B3GALT1: variants seen among roughly 807,000 people sequenced by gnomAD.
B3GALT1 encodes beta-1,3-galactosyltransferase 1.
In B3GALT1, 10 loss-of-function variants were observed where a neutral mutation model predicts 23.2. The ratio of observed to expected loss-of-function variants is 0.43; its 90% CI spans 0.27 to 0.73. B3GALT1 has a LOEUF of 0.73. B3GALT1 is among the 30% of genes least tolerant of loss of function. B3GALT1 has a pLI of 0.21. For synonymous variants in B3GALT1, 156 were observed against 141.5 expected, an observed-to-expected ratio of 1.10 and a Z score of -0.73; for missense variants, 299 against 405.4, an observed-to-expected ratio of 0.74 and a Z score of 2.25.
chr2:167,684,711 T>C (rs984121688), intron 3 of B3GALT1, among the ~76,000 whole-genome samples: 1 of 152,260 alleles, frequency 6.6e-6, no homozygotes, highest in African/African-American at 2.4e-5. Flanking sequence ...TTCCTCTTTA[T>C]TCTAAGCAGA....
At chr2:167,576,092 C>T (rs1684376464) in intron 2 of B3GALT1, among the ~76,000 whole-genome samples, 1 of 151,658 alleles carries the variant, frequency 6.6e-6, no homozygotes, top group African/African-American at 2.4e-5. Context: ...TTTGATGGAG[C>T]CCAGGACTCT....
At chr2:167,848,535 A>G (rs1689808702) in intron 4 of B3GALT1, among the ~76,000 whole-genome samples, 1 of 152,186 alleles carries the variant, frequency 6.6e-6, no homozygotes, top group Non-Finnish European at 1.5e-5. Context: ...ATTTGACAAA[A>G]TCCAGCATCT....
At position 167,873,801 on chromosome 2, in the gene B3GALT1, T is replaced by G. The variant is rs1024631329; in HGVS notation, c.*3781T>G. 1.3e-5 allele frequency: 2 copies of G among 152,236 alleles called. No homozygotes were observed. The highest frequency in any genetic ancestry group is 6.5e-5 in the Admixed American group (1 of 15,288). The allele number at this position is 152,236 out of a possible 1,614,324, so 9.4% of individuals were successfully genotyped here. A position where few individuals can be genotyped will look rare whatever the true frequency, so the allele number is the denominator to read the frequency against. ...CACTCTCCAGGTTTGTAGTACTATT[T>G]AGGGTTACATGGGTTGCCAATCAAG... On this transcript the variant is annotated 3_prime_UTR_variant, in exon 5 of 5. Transcript: ENST00000392690.
chr2:167,495,580 G>A (rs533706555), intron 2 of B3GALT1, among the ~76,000 whole-genome samples: 4 of 152,072 alleles, frequency 2.6e-5, no homozygotes, highest in Non-Finnish European at 4.4e-5. Flanking sequence ...TGATCTGCCC[G>A]CCTTGGCCTT....
intron 3 of B3GALT1, among the ~76,000 whole-genome samples, chr2:167,675,354 G>A (rs1438246703): frequency 6.6e-6 from 1 of 152,124 alleles, no homozygotes; most frequent in Non-Finnish European, 1.5e-5. Context: ...TGACACACCT[G>A]TATTCTCCTC....
chr2:167,852,561 TA>T (rs1218177354), intron 4 of B3GALT1, among the ~76,000 whole-genome samples: 1 of 152,052 alleles, frequency 6.6e-6, no homozygotes, highest in African/African-American at 2.4e-5. Context: ...ACTTTTATTT[TA>T]TCGGAAAATT....
intron 1 of B3GALT1, among the ~76,000 whole-genome samples, chr2:167,319,034 C>T (rs1574030812): frequency 6.6e-6 from 1 of 152,216 alleles, no homozygotes; most frequent in South Asian, 2.1e-4. Flanking sequence ...CCAGTGGAGC[C>T]TCAGCCAGGT....
intron 2 of B3GALT1, among the ~76,000 whole-genome samples, chr2:167,593,935 T>C (rs539674102): frequency 6.6e-6 from 1 of 152,330 alleles, no homozygotes; most frequent in South Asian, 2.1e-4. Flanking sequence ...TGAGAATGGA[T>C]AAACCACCCA....
chr2:167,633,830 C>G (rs1685502348), intron 2 of B3GALT1, among the ~76,000 whole-genome samples: 1 of 152,126 alleles, frequency 6.6e-6, no homozygotes, highest in Admixed American at 6.5e-5. Context: ...GAACTCAGCT[C>G]TGGACCAAGC....
intron 1 of B3GALT1, among the ~76,000 whole-genome samples, chr2:167,425,646 C>G (rs1698612001): frequency 6.6e-6 from 1 of 152,188 alleles, no homozygotes; most frequent in Admixed American, 6.5e-5. Context: ...TTGTTATGCT[C>G]CACAGTCTTT....
intron 2 of B3GALT1, among the ~76,000 whole-genome samples, chr2:167,557,048 A>T (rs766382953): frequency 6.6e-6 from 1 of 152,190 alleles, no homozygotes; most frequent in Non-Finnish European, 1.5e-5. Context: ...ATTTGGCTGC[A>T]TATTATAAAT....
At chr2:167,410,228 G>A (rs1195148264) in intron 1 of B3GALT1, among the ~76,000 whole-genome samples, 1 of 152,066 alleles carries the variant, frequency 6.6e-6, no homozygotes, top group Non-Finnish European at 1.5e-5. Context: ...TTGTGGCCGG[G>A]TGCGGTGGCT....
At chr2:167,667,987 G>A (rs1283736399) in intron 3 of B3GALT1, among the ~76,000 whole-genome samples, 2 of 152,172 alleles carry the variant, frequency 1.3e-5, no homozygotes, top group Non-Finnish European at 2.9e-5. Context: ...TCCATTGCTG[G>A]TGAGGAGCTG....
At position 167,843,395 on chromosome 2, in the gene B3GALT1, C is replaced by G. The variant is rs564650299; in HGVS notation, c.-230+24602C>G. Among the ~76,000 whole-genome samples, 3 of 152,214 alleles carry G rather than the reference C, an allele frequency of 2.0e-5. No individual in the cohort carries two copies. The East Asian group carries it at 5.8e-4, about 29-fold the overall frequency. On this transcript the variant is annotated intron_variant, in intron 4 of 4. Coordinates refer to ENST00000392690, the MANE Select transcript of B3GALT1 (RefSeq NM_020981.4). ...CATCATGCCACACTTGACCAGATGC[C>G]CAGAAGGACCTCTGTGGTGAATCCC... is the stretch of plus-strand genomic sequence containing the variant.
intron 2 of B3GALT1, among the ~76,000 whole-genome samples, chr2:167,560,053 G>A (rs1478167786): frequency 6.6e-6 from 1 of 152,150 alleles, no homozygotes; most frequent in African/African-American, 2.4e-5. Flanking sequence ...GGCAGCCAGA[G>A]AGAAAGGTCA....
intron 1 of B3GALT1, among the ~76,000 whole-genome samples, chr2:167,447,542 T>C (rs1014562708): frequency 2.0e-5 from 3 of 152,162 alleles, no homozygotes; most frequent in Admixed American, 2.0e-4. Flanking sequence ...TTTGTTTACC[T>C]ACTCAAGCCT....
chr2:167,775,953 G>A (rs1430904162), intron 3 of B3GALT1, among the ~76,000 whole-genome samples: 1 of 150,448 alleles, frequency 6.6e-6, no homozygotes, highest in African/African-American at 2.4e-5. Flanking sequence ...GTAACTAAAT[G>A]AAATACACCA....
chr2:167,667,371 G>A (rs1207539183), intron 3 of B3GALT1, among the ~76,000 whole-genome samples: 1 of 152,058 alleles, frequency 6.6e-6, no homozygotes, highest in Non-Finnish European at 1.5e-5. Flanking sequence ...TTTCTCTCTG[G>A]CTGCCCTTAA....
Position 167,828,500 on chromosome 2 carries a change from A to G in B3GALT1, c.-230+9707A>G, listed in dbSNP as rs113761579. On this transcript the variant is annotated intron_variant, in intron 4 of 4. Coordinates refer to ENST00000392690, the MANE Select transcript of B3GALT1 (RefSeq NM_020981.4). ...TGGTTTCTGATATTTTTTCCTGCAT[A>G]AGAGATGAGTTTCTCATGGCTCCTA... Among the ~76,000 whole-genome samples the G allele has an allele frequency of 4.9e-3, 739 of 152,280 alleles. 3 individuals carry two copies. Among genetic ancestry groups the G allele is most frequent in the African/African-American group, 0.017 (711 of 41,548 alleles).
Sources: allele counts gnomAD v4.1 joint callset (sites outside exome capture counted in the v4.1 genomes callset), GRCh38; gene constraint gnomAD v4.1.1; transcripts MANE v1.5; gene names NCBI Gene and HGNC (gene_info 2026-07-23, HGNC 2026-07-21).